Variants in TMEM179 observed in about 807,000 individuals in gnomAD.
TMEM179 encodes transmembrane protein 179.
Under a neutral mutation model 22.2 loss-of-function variants are expected in TMEM179, and 17 were observed. The observed-to-expected ratio is 0.77, with a 90% CI of 0.52 to 1.15. The LOEUF (loss-of-function observed/expected upper bound fraction) is 1.15, where lower values mean the gene tolerates loss of function less well. Ranked by LOEUF, TMEM179 falls within the 50% of genes most tolerant of loss-of-function variation. The pLI is 0.00. For missense variants in TMEM179, 265 were observed against 313.6 expected (o/e 0.84, Z 1.17); for synonymous variants, 127 against 140.5 (o/e 0.90, Z 0.68).
rs547698999 is a variant in TMEM179, at chr14:104,593,280, C to G, written c.*199G>C. ...CTCTGCACCATCCTCATCAGGGAGC[C>G]GGCACCCACCCAGTCCACTGCCAGG... is the stretch of plus-strand genomic sequence containing the variant. On this transcript the variant is annotated 3_prime_UTR_variant, in exon 4 of 4. Coordinates refer to ENST00000556573, the MANE Select transcript of TMEM179 (RefSeq NM_001286389.2). 120 of 652,184 alleles carry G rather than the reference C, an allele frequency of 1.8e-4. 1 individual carries two copies. Among genetic ancestry groups the G allele is most frequent in the Non-Finnish European group, 7.9e-6 (3 of 382,060 alleles). 40.4% of individuals were successfully genotyped at this position (652,184 alleles called of 1,614,324 possible).
At position 104,597,103 on chromosome 14, in the gene TMEM179, G is replaced by A. The variant is rs1887054075; in HGVS notation, c.330C>T (p.Asn110=). ...AGACCACGAAGGCGCTGACCAGGAG[G>A]TTCAGGAAGGCGGAGAAGAAGGAGC... ...HEGSFFSAFL[N]LLVSAFVVFL... is the part of the protein sequence containing the mutation. The change falls in exon 2 of 4, where the codon AAC becomes AAT. Residue 110 remains asparagine (N), a synonymous_variant. Coordinates refer to ENST00000556573, the MANE Select transcript of TMEM179 (RefSeq NM_001286389.2). The surrounding 1 kb of genome is among the most constrained non-coding windows in gnomAD (Gnocchi z 4.8). The A allele has an allele frequency of 6.2e-7, 1 of 1,603,728 alleles. No individual in the cohort carries two copies. Among genetic ancestry groups the A allele is most frequent in the Non-Finnish European group, 8.5e-7 (1 of 1,176,078 alleles).
rs1463534534 is a variant in TMEM179, at chr14:104,591,181, C to T, written c.*2298G>A. On this transcript the variant is annotated 3_prime_UTR_variant, in exon 4 of 4. Transcript: ENST00000556573. Reference sequence around the variant, plus strand: ...GGGTGGGTCTATGTCTGCATGCAGCCGAGGATTTCCATCACCCTGGCCATG... The same window carrying T: ...GGGTGGGTCTATGTCTGCATGCAGCTGAGGATTTCCATCACCCTGGCCATG... 18 of 358,060 alleles carry T rather than the reference C, an allele frequency of 5.0e-5. No individual in the cohort carries two copies. Among genetic ancestry groups the T allele is most frequent in the South Asian group, 3.3e-4 (16 of 48,530 alleles). The allele number at this position is 358,060 out of a possible 1,614,324, so 22.2% of individuals were successfully genotyped here. A position where few individuals can be genotyped will look rare whatever the true frequency, so the allele number is the denominator to read the frequency against.
At position 104,595,038 on chromosome 14, in the gene TMEM179, T is replaced by G. The variant is rs1015023606; in HGVS notation, c.522+127A>C. ...GACTGCTCCCACTGCCTGGTCCCATTGCTAACTACCTTATCCACACAGGAG... is the reference window on the plus strand; with the variant it reads ...GACTGCTCCCACTGCCTGGTCCCATGGCTAACTACCTTATCCACACAGGAG... On this transcript the variant is annotated intron_variant, in intron 3 of 3. Transcript: ENST00000556573. This position sits in a 1 kb window ranked among gnomAD's most constrained non-coding sequence, Gnocchi z 5.7. 6.5e-6 allele frequency: 10 copies of G among 1,535,746 alleles called. No individual in the cohort carries two copies. In the African/African-American group the frequency reaches 1.2e-4, roughly 19 times the overall value.
In TMEM179 at chr14:104,593,498, T is replaced by G. The variant is rs1376930124; in HGVS notation, c.683A>C (p.Glu228Ala). The G allele has an allele frequency of 1.3e-6, 2 of 1,535,800 alleles. No individual in the cohort carries two copies. The highest frequency in any genetic ancestry group is 1.7e-6 in the Non-Finnish European group (2 of 1,146,768). ...CTGTGCCTAAATGACAGCGCTCTTCTCCTCTTGGAAGGAGGTGCGTGGGGA... is the reference window on the plus strand; with the variant it reads ...CTGTGCCTAAATGACAGCGCTCTTCGCCTCTTGGAAGGAGGTGCGTGGGGA... ...RPSPRTSFQE[E>A]KSAVI is the part of the protein sequence containing the mutation. Residue 228 changes from glutamate to alanine, a missense_variant, in exon 4 of 4, where the codon GAG becomes GCG. Physicochemically the swap from Glu to Ala is moderately radical, Grantham distance 107. Coordinates refer to ENST00000556573, the MANE Select transcript of TMEM179 (RefSeq NM_001286389.2).
intron 3 of TMEM179, chr14:104,594,649 G>C: frequency 8.2e-7 from 1 of 1,220,050 alleles, no homozygotes; most frequent in Non-Finnish European, 1.0e-6. Context: ...CTAGGGGGCG[G>C]GGGACGCAGC....
chr14:104,598,841 G>C (rs1373727472), intron 1 of TMEM179, among the ~76,000 whole-genome samples: 1 of 152,232 alleles, frequency 6.6e-6, no homozygotes, highest in Non-Finnish European at 1.5e-5. Context: ...CAGACAAGGG[G>C]AGAGGACACA....
Position 104,593,344 on chromosome 14 carries a change from T to C in TMEM179, c.*135A>G, listed in dbSNP as rs1886903230. Reference sequence around the variant, plus strand: ...ACTGGGGCGCTCACCTCACTACACGTGGCGTCGAGGGGACACACGCAGGGC... The same window carrying C: ...ACTGGGGCGCTCACCTCACTACACGCGGCGTCGAGGGGACACACGCAGGGC... On this transcript the variant is annotated 3_prime_UTR_variant, in exon 4 of 4. Transcript: ENST00000556573. The C allele has an allele frequency of 3.6e-6, 4 of 1,100,828 alleles. No individual in the cohort carries two copies. Among genetic ancestry groups the C allele is most frequent in the Admixed American group, 4.5e-5 (2 of 44,366 alleles). The allele number at this position is 1,100,828 out of a possible 1,614,324, so 68.2% of individuals were successfully genotyped here.
rs1399543763 is a variant in TMEM179 at position 104,604,066 on chromosome 14, C to A, written c.305+371G>T. On this transcript the variant is annotated intron_variant, in intron 1 of 3. Coordinates refer to ENST00000556573, the MANE Select transcript of TMEM179 (RefSeq NM_001286389.2). This position sits in a 1 kb window ranked among gnomAD's most constrained non-coding sequence, Gnocchi z 4.6. Reference sequence around the variant, plus strand: ...GGAGAGCTCAGTGCAAGCCCTAGACCGGGCTGGGAGTTGTCGCCGGTCCTG... The same window carrying A: ...GGAGAGCTCAGTGCAAGCCCTAGACAGGGCTGGGAGTTGTCGCCGGTCCTG... Among the ~76,000 whole-genome samples the A allele has an allele frequency of 6.6e-6, 1 of 152,186 alleles. No homozygotes were observed. The highest frequency in any genetic ancestry group is 6.5e-5 in the Admixed American group (1 of 15,288).
chr14:104,593,557 C>T lies in TMEM179; in HGVS notation c.624G>A (p.Leu208=). 1 of 1,534,050 alleles carries T rather than the reference C, an allele frequency of 6.5e-7. No individual in the cohort carries two copies. The highest frequency in any genetic ancestry group is 1.2e-5 in the South Asian group (1 of 83,880). Residue 208 remains leucine (L), a synonymous_variant, in exon 4 of 4, where the codon CTG becomes CTA. Transcript: ENST00000556573. The part of the protein sequence containing the change: ...NYRQEDLLDS[L]IHEKELLLAR... ...CCAGCAGCAGCTCCTTCTCGTGGAT[C>T]AGGCTGTCCAGCAGGTCCTCCTGAC...
chr14:104,594,881 C>G, intron 3 of TMEM179: 2 of 1,319,496 alleles, frequency 1.5e-6, no homozygotes, highest in Non-Finnish European at 1.9e-6. Flanking sequence ...CACCTCCCCC[C>G]ACACCCCCAC....
chr14:104,602,588 G>A (rs1001540897), intron 1 of TMEM179, among the ~76,000 whole-genome samples: 20 of 152,254 alleles, frequency 1.3e-4, no homozygotes, highest in African/African-American at 4.8e-4. Flanking sequence ...AGCATGGACT[G>A]GGCAACTCTT....
chr14:104,594,345 G>A, intron 3 of TMEM179: 1 of 1,231,688 alleles, frequency 8.1e-7, no homozygotes, highest in East Asian at 3.2e-5. Context: ...CCTCAGGCCA[G>A]CCACGGCCAG....
intron 1 of TMEM179, among the ~76,000 whole-genome samples, chr14:104,600,584 AT>A (rs1427699349): frequency 0.017 from 2,155 of 123,248 alleles, 18 homozygotes; most frequent in South Asian, 0.028. Context: ...TCATTCATCC[AT>A]TCATTCATTC....
chr14:104,596,916 C>T (rs11629201), intron 2 of TMEM179, 74 bp downstream of exon 2: 919,162 of 1,546,792 alleles, frequency 0.59, 285,000 homozygotes, highest in Non-Finnish European at 0.64. Flanking sequence ...GGGAAGATCA[C>T]CCACAGCAGG....
In TMEM179 at chr14:104,591,796, G is replaced by A; in HGVS notation, c.*1683C>T. 9.5e-6 allele frequency: 2 copies of A among 210,246 alleles called. No homozygotes were observed. The highest frequency in any genetic ancestry group is 1.3e-4 in the South Asian group (2 of 15,428). The allele number at this position is 210,246 out of a possible 1,614,324, so 13.0% of individuals were successfully genotyped here. ...GAGCCAGGGGCTCGCCTCTCCCCGG[G>A]AAGGTGGGCGCAGCAGCAGGGAGCA... On this transcript the variant is annotated 3_prime_UTR_variant, in exon 4 of 4. Coordinates refer to ENST00000556573, the MANE Select transcript of TMEM179 (RefSeq NM_001286389.2).
chr14:104,604,208 G>A lies in TMEM179; in HGVS notation c.305+229C>T, dbSNP rs1887339981. Among the ~76,000 whole-genome samples the A allele has an allele frequency of 6.6e-6, 1 of 152,224 alleles. No individual in the cohort carries two copies. The highest frequency in any genetic ancestry group is 1.5e-5 in the Non-Finnish European group (1 of 68,032). On this transcript the variant is annotated intron_variant, in intron 1 of 3. Transcript: ENST00000556573. The surrounding 1 kb of genome is among the most constrained non-coding windows in gnomAD (Gnocchi z 4.6). ...GGAAGCGGGAGGTGATGCGCAGCTG[G>A]GGAGGGGAGGCACTGGCCTTGTACG...
chr14:104,591,913 C>A lies in TMEM179; in HGVS notation c.*1566G>T. 1 of 174,624 alleles carries A rather than the reference C, an allele frequency of 5.7e-6. No homozygotes were observed. The highest frequency in any genetic ancestry group is 1.2e-5 in the Non-Finnish European group (1 of 81,248). The allele number at this position is 174,624 out of a possible 1,614,324, so 10.8% of individuals were successfully genotyped here. On this transcript the variant is annotated 3_prime_UTR_variant, in exon 4 of 4. Coordinates refer to ENST00000556573, the MANE Select transcript of TMEM179 (RefSeq NM_001286389.2). ...CTCCGCCCCCGCCCCAGAACGAGTC[C>A]TCTGGAGGTGGACCCTGGGCTTTCC...
rs1887369339 is a variant in TMEM179 at position 104,604,752 on chromosome 14, G to A, written c.-11C>T. The A allele has an allele frequency of 1.3e-6, 2 of 1,519,030 alleles. No homozygotes were observed. The highest frequency in any genetic ancestry group is 1.4e-5 in the African/African-American group (1 of 69,440). 94.1% of individuals were successfully genotyped at this position (1,519,030 alleles called of 1,614,324 possible). A position where few individuals can be genotyped will look rare whatever the true frequency, so the allele number is the denominator to read the frequency against. The stretch of plus-strand genomic sequence containing the variant: ...ATTGTTGAGCGCCATGGCCGGCCCG[G>A]GCGAGAGCGGCGGCGGGAAGGCCGC... On this transcript the variant is annotated 5_prime_UTR_variant, in exon 1 of 4. Transcript: ENST00000556573. This position sits in a 1 kb window ranked among gnomAD's most constrained non-coding sequence, Gnocchi z 4.6.
At position 104,595,218 on chromosome 14, in the gene TMEM179, A is replaced by G. The variant is rs771542899; in HGVS notation, c.469T>C (p.Leu157=). 1.2e-6 allele frequency: 2 copies of G among 1,613,482 alleles called. No homozygotes were observed. The highest frequency in any genetic ancestry group is 1.7e-4 in the Middle Eastern group (1 of 6,056). ...GCGGAGTTGTCCACGCCCAGCTCCAAGTCGATGTCCTGGAGCTCTTCACAG... is the reference window on the plus strand; with the variant it reads ...GCGGAGTTGTCCACGCCCAGCTCCAGGTCGATGTCCTGGAGCTCTTCACAG... ...HSCEELQDID[L]ELGVDNSAFY... The change falls in exon 3 of 4, where the codon TTG becomes CTG. Residue 157 remains leucine (L), a synonymous_variant. Coordinates refer to ENST00000556573, the MANE Select transcript of TMEM179 (RefSeq NM_001286389.2). The surrounding 1 kb of genome is among the most constrained non-coding windows in gnomAD (Gnocchi z 5.7).
Sources: gnomAD v4.1 joint callset for allele counts (sites outside exome capture counted in the v4.1 genomes callset) on GRCh38, gnomAD v4.1.1 for gene constraint, Gnocchi (gnomAD v3.1) non-coding constraint, MANE v1.5 for transcripts, NCBI Gene and HGNC (gene_info 2026-07-23, HGNC 2026-07-21) for gene names.